Variants in IL1RAPL2 observed in about 807,000 individuals in gnomAD.
IL1RAPL2 encodes the protein X-linked interleukin-1 receptor accessory protein-like 2.
A neutral mutation model predicts 44.1 loss-of-function variants in IL1RAPL2; 3 were observed. The ratio of observed to expected loss-of-function variants is 0.07; its 90% CI spans 0.03 to 0.18. The LOEUF (loss-of-function observed/expected upper bound fraction) is 0.18. Among genes scored for constraint, IL1RAPL2 ranks in the 10% least tolerant of loss-of-function variants. IL1RAPL2 has a pLI of 1.00. For missense variants in IL1RAPL2, 391 were observed against 496.4 expected (o/e 0.79, Z 2.02); for synonymous variants, 181 against 178.8 (o/e 1.01, Z -0.10).
intron 5 of IL1RAPL2, among the ~76,000 whole-genome samples, chrX:105,280,390 C>T (rs993014225): frequency 1.8e-5 from 2 of 111,509 alleles, no homozygotes; most frequent in African/African-American, 6.5e-5. Context: ...ATGTCTAAAA[C>T]ACCAAAAGCA....
At chrX:105,731,730 T>TA (rs35813613) in intron 7 of IL1RAPL2, among the ~76,000 whole-genome samples, 194 of 110,700 alleles carry the variant, frequency 1.8e-3, no homozygotes, top group African/African-American at 6.0e-3. Context: ...ATGTAGGAAG[T>TA]AAAAAAAATT....
chrX:105,142,368 G>T (rs911486533), intron 2 of IL1RAPL2, among the ~76,000 whole-genome samples: 2 of 111,115 alleles, frequency 1.8e-5, no homozygotes, highest in Non-Finnish European at 3.8e-5. Context: ...ACTTAAACAG[G>T]AATAATGTTT....
At chrX:104,654,260 A>T (rs1274008561) in intron 1 of IL1RAPL2, among the ~76,000 whole-genome samples, 1 of 111,506 alleles carries the variant, frequency 9.0e-6, no homozygotes, top group Admixed American at 9.6e-5. Context: ...CTATCACATA[A>T]ACAACTGTAA....
intron 2 of IL1RAPL2, among the ~76,000 whole-genome samples, chrX:104,943,701 C>G (rs960438931): frequency 9.0e-6 from 1 of 111,524 alleles, no homozygotes; most frequent in African/African-American, 3.3e-5. Flanking sequence ...AAAATTGCAA[C>G]TACTCAGAAC....
chrX:105,153,051 A>AT (rs907000748), intron 2 of IL1RAPL2, among the ~76,000 whole-genome samples: 8 of 109,730 alleles, frequency 7.3e-5, no homozygotes, highest in African/African-American at 1.6e-4. Flanking sequence ...TGACTGCAAG[A>AT]TTTTTTTTTT....
intron 4 of IL1RAPL2, among the ~76,000 whole-genome samples, chrX:105,236,461 G>C (rs2034120820): frequency 8.9e-6 from 1 of 112,322 alleles, no homozygotes; most frequent in African/African-American, 3.2e-5. Flanking sequence ...AGGTGCATGA[G>C]ATAGATTAAT....
chrX:104,878,395 C>T (rs1922968160), intron 2 of IL1RAPL2, among the ~76,000 whole-genome samples: 1 of 112,052 alleles, frequency 8.9e-6, no homozygotes, highest in Admixed American at 9.5e-5. Flanking sequence ...TTAATCCTCA[C>T]AACAACCCAA....
At chrX:104,711,001 G>T (rs1384543115) in intron 2 of IL1RAPL2, among the ~76,000 whole-genome samples, 2 of 111,551 alleles carry the variant, frequency 1.8e-5, no homozygotes, top group Admixed American at 9.5e-5. Flanking sequence ...AACAGCCTCA[G>T]GTGGGTCCTT....
At chrX:104,621,932 C>T (rs181358330) in intron 1 of IL1RAPL2, among the ~76,000 whole-genome samples, 12 of 111,249 alleles carry the variant, frequency 1.1e-4, no homozygotes, top group African/African-American at 3.9e-4. Context: ...CTTAGGGAAT[C>T]ACTTAAATTA....
intron 1 of IL1RAPL2, among the ~76,000 whole-genome samples, chrX:104,582,656 CTTTTTTT>C: frequency 1.8e-5 from 1 of 56,750 alleles, no homozygotes; most frequent in Non-Finnish European, 3.4e-5. Flanking sequence ...TTCTTTCTTT[CTTTTTTT>C]TCTTTTTTCT....
intron 2 of IL1RAPL2, among the ~76,000 whole-genome samples, chrX:104,810,206 T>A (rs1426572606): frequency 9.1e-6 from 1 of 109,688 alleles, no homozygotes; most frequent in South Asian, 4.0e-4. Flanking sequence ...TAGGTGGGAA[T>A]TGAACAATGA....
At chrX:105,173,338 G>T (rs2033441922) in intron 2 of IL1RAPL2, among the ~76,000 whole-genome samples, 1 of 112,090 alleles carries the variant, frequency 8.9e-6, no homozygotes, top group African/African-American at 3.2e-5. Context: ...TCAGGACAGA[G>T]CCAGGAGCAA....
chrX:104,849,166 A>G (rs1341079091), intron 2 of IL1RAPL2, among the ~76,000 whole-genome samples: 1 of 106,661 alleles, frequency 9.4e-6, no homozygotes, highest in East Asian at 3.0e-4. Flanking sequence ...AGTAGCTAGA[A>G]GTACAGGTTC....
chrX:105,104,730 G>A (rs1285086066), intron 2 of IL1RAPL2, among the ~76,000 whole-genome samples: 3 of 111,969 alleles, frequency 2.7e-5, no homozygotes, highest in Non-Finnish European at 5.6e-5. Context: ...TCAAACAAAC[G>A]TGACCTGTCC....
chrX:104,757,465 G>C (rs901720670), intron 2 of IL1RAPL2, among the ~76,000 whole-genome samples: 4 of 111,347 alleles, frequency 3.6e-5, no homozygotes, highest in African/African-American at 9.8e-5. Context: ...CATTCTGGGT[G>C]GATATGTAAA....
chrX:104,983,353 TAA>T (rs1287095473), intron 2 of IL1RAPL2, among the ~76,000 whole-genome samples: 1 of 102,275 alleles, frequency 9.8e-6, no homozygotes, highest in Non-Finnish European at 2.0e-5. Flanking sequence ...TATATATATA[TAA>T]AATATTTGCT....
At chrX:104,965,247 A>G (rs779924895) in intron 2 of IL1RAPL2, among the ~76,000 whole-genome samples, 13 of 111,583 alleles carry the variant, frequency 1.2e-4, no homozygotes, top group Non-Finnish European at 5.6e-5. Context: ...AGTGGACTAA[A>G]AGGTATATAT....
chrX:105,501,234 C>G (rs768841790), intron 6 of IL1RAPL2, among the ~76,000 whole-genome samples: 1 of 111,797 alleles, frequency 8.9e-6, no homozygotes, highest in African/African-American at 3.2e-5. Context: ...TTGGCAACTT[C>G]CTTCACTGCA....
intron 2 of IL1RAPL2, among the ~76,000 whole-genome samples, chrX:104,849,985 A>G (rs1354043929): frequency 9.0e-6 from 1 of 111,538 alleles, no homozygotes; most frequent in African/African-American, 3.2e-5. Flanking sequence ...GTGTATATAT[A>G]CACAAAAGAT....
Sources: allele counts gnomAD v4.1 joint callset (sites outside exome capture counted in the v4.1 genomes callset), GRCh38; gene constraint gnomAD v4.1.1; transcripts MANE v1.5; gene names NCBI Gene and HGNC (gene_info 2026-07-23, HGNC 2026-07-21).